Variants in EEPD1 observed in about 807,000 individuals in gnomAD.
The protein encoded by EEPD1 is endonuclease/exonuclease/phosphatase family domain containing 1.
EEPD1 carries 17 observed loss-of-function variants against 46.3 expected under a neutral mutation model. That is an observed-to-expected ratio of 0.37 (90% confidence interval 0.25 to 0.55). The LOEUF is 0.55. EEPD1 is among the 20% of genes least tolerant of loss of function. The pLI, the probability that EEPD1 is intolerant of heterozygous loss-of-function variation, is 0.83. For missense variants in EEPD1, 673 were observed against 745.6 expected (o/e 0.90, Z 1.13); for synonymous variants, 313 against 315.6 (o/e 0.99, Z 0.09).
chr7:36,198,983 G>C (rs572428014), intron 2 of EEPD1, among the ~76,000 whole-genome samples: 105 of 152,154 alleles, frequency 6.9e-4, no homozygotes, highest in African/African-American at 2.4e-3. Context: ...GAACCAGAAA[G>C]AGCCTCTTCT....
intron 3 of EEPD1, among the ~76,000 whole-genome samples, chr7:36,279,395 C>G (rs76111245): frequency 0.029 from 4,438 of 152,294 alleles, 215 homozygotes; most frequent in African/African-American, 0.1. Flanking sequence ...CTCCCCTTGC[C>G]TGGTTTCATC....
intron 2 of EEPD1, among the ~76,000 whole-genome samples, chr7:36,156,744 C>T (rs576328969): frequency 6.6e-6 from 1 of 152,170 alleles, no homozygotes. Flanking sequence ...CAGCTACTGA[C>T]TCAGAAACTT....
intron 2 of EEPD1, among the ~76,000 whole-genome samples, chr7:36,198,065 C>G (rs1785640218): frequency 6.6e-6 from 1 of 151,862 alleles, no homozygotes; most frequent in East Asian, 1.9e-4. Flanking sequence ...AGTGAAAATG[C>G]AGAAATTATT....
intron 3 of EEPD1, among the ~76,000 whole-genome samples, chr7:36,273,792 C>T (rs968498492): frequency 2.0e-5 from 3 of 152,164 alleles, no homozygotes; most frequent in Non-Finnish European, 4.4e-5. Flanking sequence ...TGCAGGGTCC[C>T]AGAGCTCCTC....
At chr7:36,240,730 T>G (rs1003471988) in intron 3 of EEPD1, among the ~76,000 whole-genome samples, 7 of 152,292 alleles carry the variant, frequency 4.6e-5, no homozygotes, top group African/African-American at 1.2e-4. Flanking sequence ...GGCCTTGTTC[T>G]TAGGCAGCAG....
intron 2 of EEPD1, among the ~76,000 whole-genome samples, chr7:36,167,500 C>G (rs138160411): frequency 2.2e-3 from 329 of 152,240 alleles, no homozygotes; most frequent in Non-Finnish European, 3.6e-3. Context: ...TTGCACTTCT[C>G]TCCTTCAGAT....
intron 2 of EEPD1, among the ~76,000 whole-genome samples, chr7:36,175,309 C>T (rs981808893): frequency 6.6e-5 from 10 of 152,212 alleles, no homozygotes; most frequent in Non-Finnish European, 1.0e-4. Flanking sequence ...TAGCTCACTG[C>T]GGCCTCGAAC....
chr7:36,250,266 C>A (rs13235122), intron 3 of EEPD1, among the ~76,000 whole-genome samples: 1 of 151,934 alleles, frequency 6.6e-6, no homozygotes, highest in Non-Finnish European at 1.5e-5. Flanking sequence ...ACTTTTTTTC[C>A]ATTTTCAGTT....
rs183053817 is a variant in EEPD1, at chr7:36,244,055, A to T, written c.930+5019A>T. Among the ~76,000 whole-genome samples, 405 of 151,780 alleles carry T rather than the reference A, an allele frequency of 2.7e-3. 5 individuals carry two copies. The highest frequency in any genetic ancestry group is 8.4e-3 in the African/African-American group (347 of 41,394). ...TAAAACTTAAAGTATAATAATAATT[A>T]AAAAAAAAGAAAATAGTCTTAATTC... On this transcript the variant is annotated intron_variant, in intron 3 of 7. Transcript: ENST00000242108.
chr7:36,186,719 A>C (rs779848782), intron 2 of EEPD1, among the ~76,000 whole-genome samples: 1 of 152,246 alleles, frequency 6.6e-6, no homozygotes, highest in Non-Finnish European at 1.5e-5. Flanking sequence ...ATGAATGTGT[A>C]CTCACGTGGG....
At chr7:36,283,371 G>A (rs934752787) in intron 4 of EEPD1, among the ~76,000 whole-genome samples, 1 of 152,200 alleles carries the variant, frequency 6.6e-6, no homozygotes, top group Admixed American at 6.5e-5. Context: ...CCCCACCGCA[G>A]AGGCTTCCCC....
At chr7:36,259,697 G>A (rs1302114564) in intron 3 of EEPD1, among the ~76,000 whole-genome samples, 1 of 151,752 alleles carries the variant, frequency 6.6e-6, no homozygotes, top group Non-Finnish European at 1.5e-5. Flanking sequence ...TGTACTTTTA[G>A]TAGAGACAGG....
chr7:36,223,696 A>G (rs1045237954), intron 2 of EEPD1, among the ~76,000 whole-genome samples: 2 of 152,322 alleles, frequency 1.3e-5, no homozygotes, highest in African/African-American at 4.8e-5. Flanking sequence ...TAAAATAGAA[A>G]TCGAAATCCC....
At chr7:36,219,965 TC>T (rs1337372958) in intron 2 of EEPD1, among the ~76,000 whole-genome samples, 1 of 151,976 alleles carries the variant, frequency 6.6e-6, no homozygotes, top group Non-Finnish European at 1.5e-5. Flanking sequence ...CCCCTGGAAG[TC>T]CATCCCACAT....
intron 2 of EEPD1, among the ~76,000 whole-genome samples, chr7:36,189,067 C>T (rs1330490066): frequency 6.6e-6 from 1 of 152,230 alleles, no homozygotes. Context: ...CTGTAACCAG[C>T]ACCATTGAGA....
intron 2 of EEPD1, among the ~76,000 whole-genome samples, chr7:36,186,972 A>G (rs1785369179): frequency 1.3e-5 from 2 of 152,234 alleles, no homozygotes; most frequent in African/African-American, 4.8e-5. Flanking sequence ...CAGCATGTTT[A>G]TATTTTGCAG....
At chr7:36,258,003 G>A (rs1046127904) in intron 3 of EEPD1, among the ~76,000 whole-genome samples, 1 of 152,124 alleles carries the variant, frequency 6.6e-6, no homozygotes, top group African/African-American at 2.4e-5. Context: ...CTTCAGATGG[G>A]GTTTTCGTGT....
intron 3 of EEPD1, among the ~76,000 whole-genome samples, chr7:36,275,590 G>T (rs1001750885): frequency 6.6e-6 from 1 of 152,016 alleles, no homozygotes; most frequent in Admixed American, 6.6e-5. Context: ...GGGATTACAG[G>T]CACGCGCCAC....
At chr7:36,210,554 C>T (rs1331771212) in intron 2 of EEPD1, among the ~76,000 whole-genome samples, 1 of 152,144 alleles carries the variant, frequency 6.6e-6, no homozygotes, top group Non-Finnish European at 1.5e-5. Context: ...CTGCTTCTGT[C>T]ATCCTGCGGC....
Sources: allele counts gnomAD v4.1 joint callset (sites outside exome capture counted in the v4.1 genomes callset), GRCh38; gene constraint gnomAD v4.1.1; transcripts MANE v1.5; gene names NCBI Gene and HGNC (gene_info 2026-07-23, HGNC 2026-07-21).